Variants in ARHGAP22 observed in about 807,000 individuals in gnomAD.
The protein encoded by ARHGAP22 is rho GTPase-activating protein 22.
Under a neutral mutation model 59.1 loss-of-function variants are expected in ARHGAP22, and 48 were observed. The observed-to-expected ratio is 0.81, with a 90% CI of 0.64 to 1.03. The LOEUF is 1.03. ARHGAP22 is among the 50% of genes least tolerant of loss of function. The probability of loss-of-function intolerance (pLI) is 0.00; values close to 1 mark genes in which losing one functional copy is unlikely to be tolerated. For synonymous variants in ARHGAP22, 445 were observed against 416.4 expected (o/e 1.07, Z -0.84); for missense variants, 1,015 against 958.7 (o/e 1.06, Z -0.78).
chr10:48,557,752 C>A (rs923743689), intron 2 of ARHGAP22, among the ~76,000 whole-genome samples: 3 of 152,350 alleles, frequency 2.0e-5, no homozygotes, highest in Admixed American at 2.0e-4. Context: ...GTGTGCCCCC[C>A]ACCACTGCAG....
intron 2 of ARHGAP22, among the ~76,000 whole-genome samples, chr10:48,558,354 T>TTGTTTTG (rs1554912056): frequency 0.13 from 19,248 of 150,532 alleles, 1,428 homozygotes; most frequent in Admixed American, 0.22. Flanking sequence ...TTTTTTTGTT[T>TTGTTTTG]TTTTGTTTTG....
chr10:48,496,306 C>T (rs1002279715), intron 3 of ARHGAP22, among the ~76,000 whole-genome samples: 3 of 152,110 alleles, frequency 2.0e-5, no homozygotes, highest in Non-Finnish European at 4.4e-5. Context: ...ACATCTCTTC[C>T]TGTACCAATA....
chr10:48,612,322 A>G (rs2060926778), intron 1 of ARHGAP22, among the ~76,000 whole-genome samples: 1 of 152,150 alleles, frequency 6.6e-6, no homozygotes, highest in Non-Finnish European at 1.5e-5. Flanking sequence ...TTTTGGAGGT[A>G]TTCCCCATCT....
rs770534455 is a variant in ARHGAP22 at position 48,453,427 on chromosome 10, T to C, written c.867-2A>G. The C allele has an allele frequency of 6.2e-7, 1 of 1,613,616 alleles. No individual in the cohort carries two copies. Among genetic ancestry groups the C allele is most frequent in the Admixed American group, 1.7e-5 (1 of 60,018 alleles). On this transcript the variant is annotated splice_acceptor_variant, in intron 7 of 9. Transcript: ENST00000249601. LOFTEE classifies it high-confidence loss of function. ...TATGCCTGAACTTCATCCAGAAACC[T>C]GCAAAGTAAGGAAGCAGCAGTCATC...
Position 48,507,266 on chromosome 10 carries a change from G to A in ARHGAP22, c.323-27502C>T, listed in dbSNP as rs149463914. 9.1e-3 allele frequency among the ~76,000 whole-genome samples: 1,386 copies of A among 152,282 alleles called. 8 individuals are homozygous for A. The highest frequency in any genetic ancestry group is 0.015 in the Admixed American group (237 of 15,298). On this transcript the variant is annotated intron_variant, in intron 3 of 9. Transcript: ENST00000249601. ...CCAAGGACACGCAAAACAATGATTGGGAAAGGCCAAACAGGTGAAGGTCCC... is the reference window on the plus strand; with the variant it reads ...CCAAGGACACGCAAAACAATGATTGAGAAAGGCCAAACAGGTGAAGGTCCC...
chr10:48,434,776 TC>T, the ARHGAP22 span: 1 of 958,822 alleles, frequency 1.0e-6, no homozygotes, highest in Non-Finnish European at 1.5e-6. Context: ...TAGTGAGCCT[TC>T]GAAACCCAAG....
upstream of ARHGAP22, among the ~76,000 whole-genome samples, chr10:48,654,818 C>CTTTA (rs772769718): frequency 3.2e-5 from 3 of 93,584 alleles, no homozygotes; most frequent in African/African-American, 9.7e-5. Flanking sequence ...TTCTTTCTTT[C>CTTTA]TTTCTTTCTT....
chr10:48,431,229 G>A, the ARHGAP22 span: 1 of 1,612,336 alleles, frequency 6.2e-7, no homozygotes, highest in African/African-American at 1.3e-5. Flanking sequence ...TTGGAGGAGA[G>A]AACCAAGAAT....
At chr10:48,540,620 T>A (rs12416305) in intron 3 of ARHGAP22, among the ~76,000 whole-genome samples, 3,130 of 152,184 alleles carry the variant, frequency 0.021, 108 homozygotes, top group East Asian at 0.11. Context: ...TCCTGTGCAT[T>A]GAAAATATTG....
chr10:48,460,031 ACCAGAAGGCTGTG>A (rs2046985610), intron 4 of ARHGAP22, 140 bp from the exon 5 acceptor site: 5 of 871,268 alleles, frequency 5.7e-6, no homozygotes, highest in Middle Eastern at 3.5e-4. Context: ...GAGGATGCAT[ACCAGAAGGCTGTG>A]CCCTGGCCGC....
intron 3 of ARHGAP22, among the ~76,000 whole-genome samples, chr10:48,490,663 T>C (rs1028444741): frequency 3.9e-5 from 6 of 152,230 alleles, no homozygotes; most frequent in African/African-American, 1.4e-4. Flanking sequence ...GGCAGGATGT[T>C]GGGAGCCCCC....
chr10:48,518,805 T>C (rs2053543313), intron 3 of ARHGAP22, among the ~76,000 whole-genome samples: 1 of 152,168 alleles, frequency 6.6e-6, no homozygotes, highest in African/African-American at 2.4e-5. Flanking sequence ...CTGCAGCAGA[T>C]GGGGCTGCAG....
intron 3 of ARHGAP22, among the ~76,000 whole-genome samples, chr10:48,489,549 T>A (rs1016664798): frequency 6.6e-6 from 1 of 152,204 alleles, no homozygotes. Flanking sequence ...TTAGGAAACA[T>A]TAGTATTAGC....
chr10:48,638,432 T>A (rs977365759), intron 1 of ARHGAP22, among the ~76,000 whole-genome samples: 2 of 151,934 alleles, frequency 1.3e-5, no homozygotes, highest in African/African-American at 4.9e-5. Context: ...AGCTTAATGA[T>A]GAAGGGCCCT....
At chr10:48,451,474 G>A (rs1010663151) in intron 8 of ARHGAP22, 7 of 702,416 alleles carry the variant, frequency 1.0e-5, no homozygotes, top group Non-Finnish European at 1.6e-5. Flanking sequence ...GTTGGAACTG[G>A]AACCTGGGAC....
the ARHGAP22 span, among the ~76,000 whole-genome samples, chr10:48,439,706 T>C: frequency 6.6e-6 from 1 of 151,994 alleles, no homozygotes; most frequent in African/African-American, 2.4e-5. Context: ...AAGCAAGAGG[T>C]TTTAGCTTTG....
At chr10:48,576,275 C>A (rs2058706273) in intron 2 of ARHGAP22, among the ~76,000 whole-genome samples, 1 of 152,200 alleles carries the variant, frequency 6.6e-6, no homozygotes, top group Non-Finnish European at 1.5e-5. Context: ...TCTTCAGAGG[C>A]CAGCGTGGGG....
rs373589786 is a variant in ARHGAP22, at chr10:48,611,807, TCTTCCCTTCCCTTCC to T, written c.53-28670_53-28656del. The stretch of plus-strand genomic sequence containing the variant: ...TGCTCCTTTCCCTTCCCTTCCCTTC[TCTTCCCTTCCCTTCC>T]CTTCCCTTCCCTTCCCTTCCCTTCC... On this transcript the variant is annotated intron_variant, in intron 1 of 9. Transcript: ENST00000435790. Among the ~76,000 whole-genome samples the T allele has an allele frequency of 8.8e-3, 311 of 35,298 alleles. 2 individuals carry two copies. Among genetic ancestry groups the T allele is most frequent in the South Asian group, 0.014 (10 of 692 alleles). The allele number at this position is 35,298 out of a possible 152,430, so 23.2% of individuals were successfully genotyped here.
intron 3 of ARHGAP22, among the ~76,000 whole-genome samples, chr10:48,498,059 C>A (rs551427443): frequency 6.6e-6 from 1 of 152,322 alleles, no homozygotes; most frequent in Admixed American, 6.5e-5. Flanking sequence ...AAAGAGGATG[C>A]AGTGCCTCGG....
Sources: allele counts gnomAD v4.1 joint callset (sites outside exome capture counted in the v4.1 genomes callset), GRCh38; gene constraint gnomAD v4.1.1; transcripts MANE v1.5; gene names NCBI Gene and HGNC (gene_info 2026-07-23, HGNC 2026-07-21).